Variants in DDX59 observed in about 807,000 individuals in gnomAD.
The protein encoded by DDX59 is probable ATP-dependent RNA helicase DDX59.
In DDX59, 30 loss-of-function variants were observed where a neutral mutation model predicts 51.9. That is an observed-to-expected ratio of 0.58 (90% CI 0.43 to 0.78). DDX59 has a LOEUF of 0.78. DDX59 is among the 30% of genes least tolerant of loss of function. DDX59 has a pLI of 0.00. For missense variants in DDX59, 672 were observed against 730.8 expected (o/e 0.92, Z 0.93); for synonymous variants, 255 against 253.3 (o/e 1.01, Z -0.06).
At chr1:200,668,180 C>T (rs1007095487) in intron 1 of DDX59, among the ~76,000 whole-genome samples, 5 of 152,002 alleles carry the variant, frequency 3.3e-5, no homozygotes, top group Non-Finnish European at 7.4e-5. Context: ...TGGCGGCAGG[C>T]GCCTGTAGTC....
chr1:200,654,401 A>T (rs1456340185), intron 4 of DDX59: 1 of 152,152 alleles, frequency 6.6e-6, no homozygotes, highest in African/African-American at 2.4e-5. Context: ...GGGGAAAAAA[A>T]AAAAGAATTG....
At chr1:200,659,286 A>T (rs1298661397) in intron 3 of DDX59, among the ~76,000 whole-genome samples, 170 bp from the exon 4 acceptor site, 1 of 152,234 alleles carries the variant, frequency 6.6e-6, no homozygotes, top group East Asian at 1.9e-4. Context: ...TGTAATACAA[A>T]GGAAGAAACA....
Position 200,655,331 on chromosome 1 carries a change from G to A in DDX59, c.1062+3696C>T, listed in dbSNP as rs140320344. On this transcript the variant is annotated intron_variant, in intron 4 of 7. Coordinates refer to ENST00000331314, the MANE Select transcript of DDX59 (RefSeq NM_001031725.6). ...CTCCTCCGCTGCAACTCTCAGATTT[G>A]GCCTGTGACTCCTACTGCCTCCACC... 6.6e-3 allele frequency among the ~76,000 whole-genome samples: 1,009 copies of A among 152,034 alleles called. 7 individuals are homozygous for A. The highest frequency in any genetic ancestry group is 9.9e-3 in the Non-Finnish European group (675 of 67,938).
chr1:200,650,467 T>C lies in DDX59; in HGVS notation c.1272A>G (p.Val424=). 2 of 1,613,876 alleles carry C rather than the reference T, an allele frequency of 1.2e-6. No individual in the cohort carries two copies. The highest frequency in any genetic ancestry group is 1.7e-6 in the Non-Finnish European group (2 of 1,179,824). ...CANVRQIILW[V]EDPAKKKKLF... ...ATTTTTTCTTTTTGGCTGGGTCTTC[T>C]ACCCACAAAATAATCTGACGTACAT... is the stretch of plus-strand genomic sequence containing the variant. The change falls in exon 5 of 8, where the codon GTA becomes GTG. Residue 424 remains valine, a synonymous_variant. Transcript: ENST00000331314.
At chr1:200,654,394 G>GA (rs1553268675) in intron 4 of DDX59, 3,335 of 144,216 alleles carry the variant, frequency 0.023, 61 homozygotes, top group Non-Finnish European at 0.032. Context: ...GCCTGGCGGG[G>GA]AAAAAAAAAA....
At chr1:200,653,059 T>C (rs992767017) in intron 4 of DDX59, among the ~76,000 whole-genome samples, 7 of 152,208 alleles carry the variant, frequency 4.6e-5, no homozygotes, top group African/African-American at 1.2e-4. Flanking sequence ...TCTCTATACA[T>C]TGGGGAGCCC....
intron 4 of DDX59, among the ~76,000 whole-genome samples, chr1:200,657,185 A>T (rs1662080067): frequency 7.0e-6 from 1 of 143,682 alleles, no homozygotes; most frequent in South Asian, 2.3e-4. Flanking sequence ...CAGATGGTAG[A>T]GGTGGCAGTG....
At position 200,665,253 on chromosome 1, in the gene DDX59, C is replaced by T. The variant is rs999622092; in HGVS notation, c.804+684G>A. Among the ~76,000 whole-genome samples the T allele has an allele frequency of 3.9e-5, 6 of 152,080 alleles. No individual in the cohort carries two copies. In the South Asian group the frequency reaches 6.2e-4, roughly 16 times the overall value. On this transcript the variant is annotated intron_variant, in intron 2 of 7. Coordinates refer to ENST00000331314, the MANE Select transcript of DDX59 (RefSeq NM_001031725.6). ...GTTGGATTACCTAAGGTCAGGAGTT[C>T]GAGACCAGCCTGACCAATAAGGAGA...
rs1047944477 is a variant in DDX59, at chr1:200,644,633, C to T, written c.1597-116G>A. 103 of 1,251,896 alleles carry T rather than the reference C, an allele frequency of 8.2e-5. No individual in the cohort carries two copies. The Middle Eastern group carries it at 1.5e-3, about 18-fold the overall frequency. 77.5% of individuals were successfully genotyped at this position (1,251,896 alleles called of 1,614,324 possible). On this transcript the variant is annotated intron_variant, in intron 7 of 7. Transcript: ENST00000331314. ...ATTACTGGCTGGGTGCAGTGGCTCA[C>T]GCCTGTAACCCCAGCACTTTGGGAG...
chr1:200,641,416 C>A (rs1256293618), downstream of DDX59, among the ~76,000 whole-genome samples: 1 of 151,884 alleles, frequency 6.6e-6, no homozygotes, highest in Admixed American at 6.6e-5. Context: ...AAAAAAGAAC[C>A]CACTTTGACT....
chr1:200,659,950 C>T (rs993907225), intron 3 of DDX59, among the ~76,000 whole-genome samples: 11 of 152,196 alleles, frequency 7.2e-5, no homozygotes, highest in African/African-American at 2.7e-4. Context: ...TCCCAAAGTG[C>T]TGGGATTACA....
intron 2 of DDX59, among the ~76,000 whole-genome samples, chr1:200,664,534 A>G (rs932402825): frequency 1.3e-5 from 2 of 151,914 alleles, no homozygotes; most frequent in African/African-American, 2.4e-5. Context: ...CCCATATCCT[A>G]TTTCGGGCTT....
chr1:200,666,247 G>A lies in DDX59; in HGVS notation c.494C>T (p.Ser165Phe), dbSNP rs746917076. The change falls in exon 2 of 8, where the codon TCC becomes TTC. Residue 165 changes from serine (S) to phenylalanine (F), a missense_variant. By Grantham distance (155) the Ser-to-Phe change is radical. Coordinates refer to ENST00000331314, the MANE Select transcript of DDX59 (RefSeq NM_001031725.6). Reference protein sequence around the residue: ...DSEPESPLNASYVYKEHPFIL... With the variant: ...DSEPESPLNAFYVYKEHPFIL... ...AAAGGGGTGCTCTTTGTAGACATAG[G>A]AAGCATTCAGTGGAGACTCTGGCTC... is the stretch of plus-strand genomic sequence containing the variant. The A allele has an allele frequency of 1.4e-5, 22 of 1,614,094 alleles. No homozygotes were observed. The highest frequency in any genetic ancestry group is 1.7e-5 in the Non-Finnish European group (20 of 1,180,044).
At chr1:200,653,533 C>A (rs1571624755) in intron 4 of DDX59, among the ~76,000 whole-genome samples, 1 of 152,180 alleles carries the variant, frequency 6.6e-6, no homozygotes, top group Admixed American at 6.5e-5. Flanking sequence ...CAGATAGATT[C>A]TTCTAAAATA....
chr1:200,641,733 G>A (rs1324288756), downstream of DDX59, among the ~76,000 whole-genome samples: 3 of 152,198 alleles, frequency 2.0e-5, no homozygotes, highest in Non-Finnish European at 2.9e-5. Flanking sequence ...GGCTGTGTGT[G>A]GTGGCTCAGG....
intron 4 of DDX59, among the ~76,000 whole-genome samples, chr1:200,656,288 T>C (rs545935643): frequency 6.6e-6 from 1 of 152,178 alleles, no homozygotes; most frequent in South Asian, 2.1e-4. Context: ...CCCCAAAGCC[T>C]AAGATATTTA....
At chr1:200,644,859 G>A (rs1030725735) in intron 7 of DDX59, among the ~76,000 whole-genome samples, 6 of 131,160 alleles carry the variant, frequency 4.6e-5, no homozygotes, top group Admixed American at 9.8e-5. Context: ...TCGTGCCACT[G>A]CACTCCAGCC....
At chr1:200,650,953 A>C (rs1018756958) in intron 4 of DDX59, among the ~76,000 whole-genome samples, 1 of 152,186 alleles carries the variant, frequency 6.6e-6, no homozygotes, top group Non-Finnish European at 1.5e-5. Flanking sequence ...GGATTTGCTA[A>C]ATTATGGTAG....
chr1:200,666,460 A>G lies in DDX59; in HGVS notation c.281T>C (p.Phe94Ser), dbSNP rs1252685632. 1 of 1,614,144 alleles carries G rather than the reference A, an allele frequency of 6.2e-7. No individual in the cohort carries two copies. The highest frequency in any genetic ancestry group is 8.5e-7 in the Non-Finnish European group (1 of 1,180,018). The change falls in exon 2 of 8, where the codon TTT becomes TCT. Residue 94 changes from phenylalanine to serine, a missense_variant. Transcript: ENST00000331314. Reference sequence around the variant, plus strand: ...TTCTGCCCAGCGCTGTGTTTTGGAAAATGACTTAACGGGCTCTTCAGAAGG... The same window carrying G: ...TTCTGCCCAGCGCTGTGTTTTGGAAGATGACTTAACGGGCTCTTCAGAAGG... ...SHPSEEPVKS[F>S]SKTQRWAEPG...
Sources: allele counts gnomAD v4.1 joint callset (sites outside exome capture counted in the v4.1 genomes callset), GRCh38; gene constraint gnomAD v4.1.1; transcripts MANE v1.5; gene names NCBI Gene and HGNC (gene_info 2026-07-23, HGNC 2026-07-21).